The following HUWE1 variants were observed in gnomAD, a reference collection of about 807,000 sequenced individuals.
HUWE1 encodes the protein E3 ubiquitin-protein ligase HUWE1.
Under a neutral mutation model 299.4 loss-of-function variants are expected in HUWE1, and 18 were observed. That is an observed-to-expected ratio of 0.06 (90% CI 0.04 to 0.09). The LOEUF is 0.09. Ranked by LOEUF, HUWE1 falls within the 10% of genes least tolerant of loss-of-function variation. The probability of loss-of-function intolerance (pLI) is 1.00; values close to 1 mark genes in which losing one functional copy is unlikely to be tolerated. For synonymous variants in HUWE1, 1,317 were observed against 1,286.1 expected, an observed-to-expected ratio of 1.02 and a Z score of -0.51; for missense variants, 1,832 against 3,462.3, an observed-to-expected ratio of 0.53 and a Z score of 11.82.
rs1382400165 is a variant in HUWE1, at chrX:53,653,450, A to G, written c.45+613T>C. On this transcript the variant is annotated intron_variant, in intron 4 of 83. Transcript: ENST00000262854. ...GCTTGTGCTCTCTGAACTAAGCACAAGGGGTCAACAGGACTATCACAATGC... is the reference window on the plus strand; with the variant it reads ...GCTTGTGCTCTCTGAACTAAGCACAGGGGGTCAACAGGACTATCACAATGC... Among the ~76,000 whole-genome samples, 3 of 111,571 alleles carry G rather than the reference A, an allele frequency of 2.7e-5. No individual in the cohort carries two copies. The Admixed American group carries it at 2.9e-4, about 11-fold the overall frequency.
chrX:53,575,491 ACACCC>A (rs2063058805), intron 45 of HUWE1, 147 bp downstream of exon 45: 1 of 617,743 alleles, frequency 1.6e-6, no homozygotes, highest in Non-Finnish European at 2.5e-6. Context: ...GTCTCCAGGG[ACACCC>A]CAATTTTGTC....
intron 28 of HUWE1, among the ~76,000 whole-genome samples, chrX:53,601,705 G>C (rs1556990991): frequency 1.1e-5 from 1 of 93,249 alleles, no homozygotes; most frequent in Non-Finnish European, 2.1e-5. Flanking sequence ...TTTCGCTCTT[G>C]TTGCCCAGGC....
chrX:53,641,656 T>C (rs192658455), intron 7 of HUWE1, among the ~76,000 whole-genome samples: 2 of 111,874 alleles, frequency 1.8e-5, no homozygotes, highest in African/African-American at 3.2e-5. Flanking sequence ...TCTTACTAAG[T>C]CTTATGGCCC....
chrX:53,534,259 G>A (rs782155307), intron 82 of HUWE1, 62 bp from the exon 83 acceptor site: 2 of 999,951 alleles, frequency 2.0e-6, no homozygotes, highest in Non-Finnish European at 2.8e-6. Context: ...AGGGTGGGGG[G>A]GATGGAATCT....
chrX:53,605,680 T>C (rs1556996091), intron 25 of HUWE1, among the ~76,000 whole-genome samples: 2 of 111,852 alleles, frequency 1.8e-5, no homozygotes, highest in Admixed American at 9.5e-5. Flanking sequence ...GAAAAATCCC[T>C]TCTAAAATTT....
intron 72 of HUWE1, 133 bp downstream of exon 72, chrX:53,544,427 G>GA: frequency 1.8e-6 from 1 of 542,741 alleles, no homozygotes; most frequent in Non-Finnish European, 3.2e-6. Context: ...TCAACATTCT[G>GA]AAAAAAGGAT....
intron 3 of HUWE1, among the ~76,000 whole-genome samples, chrX:53,670,547 T>C (rs1434959199): frequency 8.9e-6 from 1 of 111,780 alleles, no homozygotes; most frequent in Non-Finnish European, 1.9e-5. Flanking sequence ...GGTAATTTGC[T>C]AGAGGGAGAG....
rs781925755 is a variant in HUWE1 at position 53,538,464 on chromosome X, G to A, written c.11879-10C>T. On this transcript the variant is annotated splice_polypyrimidine_tract_variant and intron_variant, in intron 76 of 83. Coordinates refer to ENST00000262854, the MANE Select transcript of HUWE1 (RefSeq NM_031407.7). ...ACAGTGCGGTGAGTCTCTGAGGGGA[G>A]AAGTGACAGCAGGAATTAAGCACAT... 10 of 1,116,756 alleles carry A rather than the reference G, an allele frequency of 9.0e-6. No homozygotes were observed. The highest frequency in any genetic ancestry group is 1.1e-5 in the Non-Finnish European group (9 of 810,691). The allele number at this position is 1,116,756 out of a possible 1,213,427, so 92.0% of individuals were successfully genotyped here.
intron 73 of HUWE1, 81 bp from the exon 74 acceptor site, chrX:53,542,620 T>A: frequency 1.6e-6 from 1 of 644,694 alleles, no homozygotes; most frequent in Non-Finnish European, 2.6e-6. Flanking sequence ...GCCCTTCCAC[T>A]TCTCATACAT....
intron 77 of HUWE1, 86 bp from the exon 78 acceptor site, chrX:53,537,782 T>A: frequency 1.1e-6 from 1 of 945,162 alleles, no homozygotes; most frequent in East Asian, 3.3e-5. Context: ...CCCACAATGA[T>A]GCTCCTTCTA....
intron 26 of HUWE1, among the ~76,000 whole-genome samples, chrX:53,604,373 CAT>C (rs2065047581): frequency 1.8e-5 from 2 of 111,776 alleles, no homozygotes; most frequent in Admixed American, 9.4e-5. Flanking sequence ...TCTGTAATAA[CAT>C]GTTTCGCTCT....
chrX:53,581,410 T>C (rs2063608016), intron 42 of HUWE1, among the ~76,000 whole-genome samples: 1 of 112,200 alleles, frequency 8.9e-6, no homozygotes, highest in Non-Finnish European at 1.9e-5. Flanking sequence ...AATTAAATAT[T>C]TTCTTTATGC....
chrX:53,584,034 T>C lies in HUWE1; in HGVS notation c.5162-118A>G, dbSNP rs143190861. ...GTCCTATTAAGAGAAGCATGCCAAA[T>C]ACCAATTTTAAGATCAGATGAAAAA... On this transcript the variant is annotated intron_variant, in intron 41 of 83. Transcript: ENST00000262854. 7.4e-5 allele frequency: 59 copies of C among 801,337 alleles called. No homozygotes were observed. The East Asian group carries it at 1.8e-3, about 25-fold the overall frequency. The allele number at this position is 801,337 out of a possible 1,213,427, so 66.0% of individuals were successfully genotyped here.
chrX:53,647,477 C>T lies in HUWE1; in HGVS notation c.242G>A (p.Cys81Tyr). 2 of 1,206,279 alleles carry T rather than the reference C, an allele frequency of 1.7e-6. No homozygotes were observed. The highest frequency in any genetic ancestry group is 2.2e-6 in the Non-Finnish European group (2 of 890,510). The change falls in exon 6 of 84, where the codon TGT becomes TAT. Residue 81 changes from cysteine to tyrosine, a missense_variant. Cys to Tyr is a radical substitution (Grantham distance 194). Around this residue, in one of 15 missense-constraint regions of HUWE1, gnomAD observed 658 missense variants for 1,282.6 expected, o/e 0.51. Coordinates refer to ENST00000262854, the MANE Select transcript of HUWE1 (RefSeq NM_031407.7). The part of the protein sequence containing the change: ...TVENMSWMLV[C>Y]DRPEREQLKM... ...CAGTTGCTCTCTTTCTGGCCTATCA[C>T]ATACGAGCATCCATGACATATTCTC... is the stretch of plus-strand genomic sequence containing the variant.
At chrX:53,683,990 T>C (rs936867816) in intron 2 of HUWE1, 21 of 287,897 alleles carry the variant, frequency 7.3e-5, no homozygotes, top group African/African-American at 4.7e-4. Context: ...CTGCAGTCAG[T>C]AACCGAGCCA....
rs1157848998 is a variant in HUWE1 at position 53,614,406 on chromosome X, G to A, written c.2261+128C>T. ...AAAAACTAATACATTCTTAGAACCG[G>A]TTAGAACTTTAAAATGATCTAATAC... On this transcript the variant is annotated intron_variant, in intron 23 of 83. Transcript: ENST00000262854. 5.3e-6 allele frequency: 3 copies of A among 566,210 alleles called. No homozygotes were observed. The East Asian group carries it at 1.0e-4, about 19-fold the overall frequency. 46.7% of individuals were successfully genotyped at this position (566,210 alleles called of 1,213,427 possible).
chrX:53,638,334 CG>C (rs1191968678), intron 7 of HUWE1, among the ~76,000 whole-genome samples: 4 of 110,466 alleles, frequency 3.6e-5, no homozygotes, highest in Non-Finnish European at 7.6e-5. Flanking sequence ...AGCGAGACTC[CG>C]TCTCAAAAAA....
chrX:53,544,130 T>C (rs1454382592), intron 72 of HUWE1, among the ~76,000 whole-genome samples, 162 bp from the exon 73 acceptor site: 1 of 112,950 alleles, frequency 8.9e-6, no homozygotes, highest in East Asian at 2.8e-4. Context: ...CGCTAAGATT[T>C]ACCATTACAG....
chrX:53,567,408 G>T (rs1406973151), intron 49 of HUWE1, among the ~76,000 whole-genome samples: 2 of 111,350 alleles, frequency 1.8e-5, no homozygotes, highest in African/African-American at 6.5e-5. Context: ...AGTGACTGCA[G>T]TGATCCAAAT....
Sources: gnomAD v4.1 joint callset for allele counts (sites outside exome capture counted in the v4.1 genomes callset) on GRCh38, gnomAD v4.1.1 for gene constraint, gnomAD v4.1.1 regional missense constraint, MANE v1.5 for transcripts, NCBI Gene and HGNC (gene_info 2026-07-23, HGNC 2026-07-21) for gene names.